The following FBLIM1 variants were observed in gnomAD, a reference collection of about 807,000 sequenced individuals.
The protein encoded by FBLIM1 is filamin binding LIM protein 1, also known as filamin-binding LIM protein 1.
A neutral mutation model predicts 37.4 loss-of-function variants in FBLIM1; 29 were observed. The ratio of observed to expected loss-of-function variants is 0.77; its 90% CI spans 0.58 to 1.06. The LOEUF (loss-of-function observed/expected upper bound fraction) is 1.06, where lower values mean the gene tolerates loss of function less well. Among genes scored for constraint, FBLIM1 ranks in the 50% least tolerant of loss-of-function variants. FBLIM1 has a pLI of 0.00. For missense variants in FBLIM1, 449 were observed against 505.6 expected, an observed-to-expected ratio of 0.89 and a Z score of 1.07; for synonymous variants, 193 against 199.0, an observed-to-expected ratio of 0.97 and a Z score of 0.25.
In FBLIM1 at chr1:15,765,047, C is replaced by A. The variant is rs578024181; in HGVS notation, c.64C>A (p.Arg22Ser). ...SVFITLAPPR[R>S]DVAVAEEVRQ... is the part of the protein sequence containing the mutation. The stretch of plus-strand genomic sequence containing the variant: ...CTTTATCACCCTGGCACCCCCGCGC[C>A]GCGATGTGGCCGTGGCGGAGGAAGT... Residue 22 changes from arginine (R) to serine (S), a missense_variant, in exon 3 of 9, where the codon CGC becomes AGC. Coordinates refer to ENST00000375766, the MANE Select transcript of FBLIM1 (RefSeq NM_017556.4). This position sits in a 1 kb window ranked among gnomAD's most constrained non-coding sequence, Gnocchi z 5.9. 5.6e-6 allele frequency: 9 copies of A among 1,614,108 alleles called. No homozygotes were observed. In the East Asian group the frequency reaches 1.8e-4, roughly 32 times the overall value.
chr1:15,783,550 G>C (rs2069695934), intron 8 of FBLIM1, among the ~76,000 whole-genome samples: 1 of 146,806 alleles, frequency 6.8e-6, no homozygotes, highest in African/African-American at 2.5e-5. Flanking sequence ...CAGGGTTCCT[G>C]TCTCGTAGAA....
chr1:15,784,399 AGG>A (rs2069724300), intron 8 of FBLIM1, 147 bp from the exon 9 acceptor site: 1 of 583,074 alleles, frequency 1.7e-6, no homozygotes, highest in African/African-American at 1.9e-5. Flanking sequence ...GGGTGTTGGG[AGG>A]GCAGCAGTGA....
At position 15,784,763 on chromosome 1, in the gene FBLIM1, C is replaced by A. The variant is rs1569889524; in HGVS notation, c.*102C>A. 3.9e-6 allele frequency: 4 copies of A among 1,038,278 alleles called. No individual in the cohort carries two copies. The highest frequency in any genetic ancestry group is 5.8e-6 in the Non-Finnish European group (4 of 695,218). The allele number at this position is 1,038,278 out of a possible 1,614,324, so 64.3% of individuals were successfully genotyped here. A position where few individuals can be genotyped will look rare whatever the true frequency, so the allele number is the denominator to read the frequency against. ...GCTCTTGCACACTTTCCTTCTGAGC[C>A]TCCATGGAGACCAGCCTGCAAGCCG... On this transcript the variant is annotated 3_prime_UTR_variant, in exon 9 of 9. Coordinates refer to ENST00000375766, the MANE Select transcript of FBLIM1 (RefSeq NM_017556.4).
intron 1 of FBLIM1, among the ~76,000 whole-genome samples, chr1:15,763,401 G>C (rs1321262361): frequency 6.6e-6 from 1 of 151,706 alleles, no homozygotes; most frequent in Non-Finnish European, 1.5e-5. Context: ...GGGAGGCTGA[G>C]GTGGGCGGAT....
chr1:15,785,875 C>T lies in FBLIM1; in HGVS notation c.*1214C>T, dbSNP rs771228695. On this transcript the variant is annotated 3_prime_UTR_variant, in exon 9 of 9. Transcript: ENST00000375766. Reference sequence around the variant, plus strand: ...GACACCCCGGGATGTCAGCATCCCCCGACCTGCCTTCTGGCGGCACCTCCC... The same window carrying T: ...GACACCCCGGGATGTCAGCATCCCCTGACCTGCCTTCTGGCGGCACCTCCC... The T allele has an allele frequency of 6.6e-6, 1 of 152,300 alleles. No homozygotes were observed. The highest frequency in any genetic ancestry group is 1.5e-5 in the Non-Finnish European group (1 of 68,136). 9.4% of individuals were successfully genotyped at this position (152,300 alleles called of 1,614,324 possible). A position where few individuals can be genotyped will look rare whatever the true frequency, so the allele number is the denominator to read the frequency against.
intron 8 of FBLIM1, among the ~76,000 whole-genome samples, chr1:15,783,645 G>A (rs1419936610): frequency 2.8e-5 from 4 of 140,660 alleles, no homozygotes; most frequent in East Asian, 2.1e-4. Context: ...GCACGATCTC[G>A]GCTCACTGCA....
At chr1:15,774,597 T>C in intron 6 of FBLIM1, 21 bp from the exon 7 acceptor site, 7 of 1,600,474 alleles carry the variant, frequency 4.4e-6, no homozygotes, top group Non-Finnish European at 6.0e-6. Flanking sequence ...TGGATGGTTC[T>C]GGCAGTGGCC....
chr1:15,784,355 CTG>C (rs1269428592), intron 8 of FBLIM1, among the ~76,000 whole-genome samples, 191 bp from the exon 9 acceptor site: 1 of 152,212 alleles, frequency 6.6e-6, no homozygotes, highest in African/African-American at 2.4e-5. Context: ...CCATGTGTGT[CTG>C]TGTCTCATCT....
intron 3 of FBLIM1, among the ~76,000 whole-genome samples, chr1:15,767,076 A>G (rs1383718731): frequency 2.0e-5 from 3 of 151,572 alleles, no homozygotes; most frequent in Non-Finnish European, 2.9e-5. Context: ...AATTTTTAGT[A>G]GAGTTGAGGT....
At chr1:15,782,564 T>C (rs2069670928) in intron 8 of FBLIM1, among the ~76,000 whole-genome samples, 1 of 151,984 alleles carries the variant, frequency 6.6e-6, no homozygotes, top group Admixed American at 6.6e-5. Flanking sequence ...TTTCTTCCAA[T>C]TGGTTCTAAT....
chr1:15,774,050 A>C (rs574252390), intron 6 of FBLIM1, among the ~76,000 whole-genome samples: 1 of 152,198 alleles, frequency 6.6e-6, no homozygotes, highest in East Asian at 1.9e-4. Flanking sequence ...CATGAGAATC[A>C]CTTGAACCTC....
At chr1:15,760,531 GAAA>G (rs34356141) in intron 1 of FBLIM1, among the ~76,000 whole-genome samples, 1 of 97,636 alleles carries the variant, frequency 1.0e-5, no homozygotes, top group Non-Finnish European at 2.0e-5. Flanking sequence ...TTCTGTCTCA[GAAA>G]AAAAAAAAAA....
Position 15,764,673 on chromosome 1 carries a change from A to C in FBLIM1, c.-33A>C. On this transcript the variant is annotated 5_prime_UTR_variant, in exon 2 of 9. Transcript: ENST00000375766. Reference sequence around the variant, plus strand: ...CTTCCTCGCGGGTGTGAGACAAGGAAGAGTGATCATTGGTGAGGGCTGCCC... The same window carrying C: ...CTTCCTCGCGGGTGTGAGACAAGGACGAGTGATCATTGGTGAGGGCTGCCC... 2 of 368,190 alleles carry C rather than the reference A, an allele frequency of 5.4e-6. No individual in the cohort carries two copies. Among genetic ancestry groups the C allele is most frequent in the Non-Finnish European group, 9.8e-6 (2 of 204,014 alleles). 22.8% of individuals were successfully genotyped at this position (368,190 alleles called of 1,614,324 possible). A position where few individuals can be genotyped will look rare whatever the true frequency, so the allele number is the denominator to read the frequency against.
intron 7 of FBLIM1, chr1:15,776,942 C>A: frequency 4.3e-6 from 2 of 460,830 alleles, no homozygotes; most frequent in East Asian, 3.5e-5. Flanking sequence ...CCCCACTGAA[C>A]ACAGTTCTCA....
chr1:15,763,277 C>G (rs1004674147), intron 1 of FBLIM1, among the ~76,000 whole-genome samples: 1 of 151,598 alleles, frequency 6.6e-6, no homozygotes, highest in African/African-American at 2.4e-5. Context: ...ACCATGTTGG[C>G]CAGGCTGGTC....
chr1:15,766,437 C>T (rs2148514723), intron 3 of FBLIM1, among the ~76,000 whole-genome samples: 1 of 152,278 alleles, frequency 6.6e-6, no homozygotes, highest in East Asian at 1.9e-4. Flanking sequence ...GCTAGGATTA[C>T]AGGCGCCCAC....
chr1:15,774,977 G>A (rs1328982993), intron 7 of FBLIM1, 181 bp downstream of exon 7: 10 of 1,325,706 alleles, frequency 7.5e-6, no homozygotes, highest in South Asian at 1.4e-5. Context: ...CCAGCACTTT[G>A]GGAGGCCGAG....
chr1:15,760,648 C>A (rs191403190), intron 1 of FBLIM1, among the ~76,000 whole-genome samples: 1 of 151,978 alleles, frequency 6.6e-6, no homozygotes, highest in Admixed American at 6.5e-5. Context: ...GGTGACCCCC[C>A]CTGAGCTGCA....
chr1:15,766,265 G>C (rs1201642263), intron 3 of FBLIM1, among the ~76,000 whole-genome samples: 1 of 151,774 alleles, frequency 6.6e-6, no homozygotes, highest in Non-Finnish European at 1.5e-5. Flanking sequence ...TCACCACCAG[G>C]CCCAGCTAAT....
Sources: allele counts gnomAD v4.1 joint callset (sites outside exome capture counted in the v4.1 genomes callset), GRCh38; gene constraint gnomAD v4.1.1; non-coding constraint Gnocchi (gnomAD v3.1); transcripts MANE v1.5; gene names NCBI Gene and HGNC (gene_info 2026-07-23, HGNC 2026-07-21).